GNAQ: variants seen among roughly 807,000 people sequenced by gnomAD.
GNAQ encodes guanine nucleotide-binding protein G(q) subunit alpha.
A neutral mutation model predicts 43.9 loss-of-function variants in GNAQ; 8 were observed. The observed-to-expected ratio is 0.18, with a 90% CI of 0.11 to 0.33. The LOEUF (loss-of-function observed/expected upper bound fraction) is 0.33. Among genes scored for constraint, GNAQ ranks in the 10% least tolerant of loss-of-function variants. The pLI, the probability that GNAQ is intolerant of heterozygous loss-of-function variation, is 1.00. For synonymous variants in GNAQ, 155 were observed against 170.7 expected (o/e 0.91, Z 0.71); for missense variants, 158 against 450.8 (o/e 0.35, Z 5.88).
At chr9:77,939,658 C>T (rs916297179) in intron 1 of GNAQ, among the ~76,000 whole-genome samples, 2 of 152,128 alleles carry the variant, frequency 1.3e-5, no homozygotes, top group South Asian at 2.1e-4. Context: ...AACAGATAAT[C>T]AACTGGGTGA....
At chr9:77,847,320 C>T (rs186071102) in intron 2 of GNAQ, among the ~76,000 whole-genome samples, 8 of 152,306 alleles carry the variant, frequency 5.3e-5, no homozygotes, top group Non-Finnish European at 8.8e-5. Context: ...CAGAGACAAA[C>T]CCACAGTAAT....
chr9:77,874,340 G>C (rs1828095990), intron 2 of GNAQ, among the ~76,000 whole-genome samples: 1 of 152,022 alleles, frequency 6.6e-6, no homozygotes, highest in Admixed American at 6.6e-5. Context: ...TTCTGGCCTA[G>C]ACATGAACTC....
Position 77,716,999 on chromosome 9 carries a change from A to C in GNAQ, c.*4324T>G, listed in dbSNP as rs888824452. On this transcript the variant is annotated 3_prime_UTR_variant, in exon 7 of 7. Coordinates refer to ENST00000286548, the MANE Select transcript of GNAQ (RefSeq NM_002072.5). ...GTTTAGGGTCTGTACTAAGTTATCT[A>C]CTAAACAGCAGGTGTCTGGCTCCAA... 9.9e-5 allele frequency: 23 copies of C among 232,822 alleles called. No individual in the cohort carries two copies. Among genetic ancestry groups the C allele is most frequent in the African/African-American group, 5.1e-4 (23 of 45,462 alleles). The allele number at this position is 232,822 out of a possible 1,614,324, so 14.4% of individuals were successfully genotyped here.
chr9:77,828,095 A>AAGGGGC (rs1216909711), intron 2 of GNAQ, among the ~76,000 whole-genome samples: 1 of 139,860 alleles, frequency 7.2e-6, no homozygotes, highest in Non-Finnish European at 1.6e-5. Flanking sequence ...AAAAAAAAAG[A>AAGGGGC]AGGGGCAGTG....
At chr9:77,920,592 G>A (rs1828981894) in intron 2 of GNAQ, among the ~76,000 whole-genome samples, 1 of 152,150 alleles carries the variant, frequency 6.6e-6, no homozygotes, top group Admixed American at 6.5e-5. Context: ...TCTTGGGGCA[G>A]GGAGAACCCT....
In GNAQ at chr9:77,904,840, C is replaced by T. The variant is rs182958058; in HGVS notation, c.321+17321G>A. Among the ~76,000 whole-genome samples the T allele has an allele frequency of 2.4e-4, 36 of 152,134 alleles. No homozygotes were observed. The East Asian group carries it at 4.8e-3, about 20-fold the overall frequency. ...AAATTGGTCAGAACAATGCTTACAA[C>T]AGCTAGATTCTATATGGGATCATTT... On this transcript the variant is annotated intron_variant, in intron 2 of 6. Coordinates refer to ENST00000286548, the MANE Select transcript of GNAQ (RefSeq NM_002072.5).
chr9:77,801,879 C>T lies in GNAQ; in HGVS notation c.477-4231G>A, dbSNP rs536527669. 9.2e-5 allele frequency among the ~76,000 whole-genome samples: 14 copies of T among 152,142 alleles called. No individual in the cohort carries two copies. In the South Asian group the frequency reaches 1.9e-3, roughly 20 times the overall value. ...TGAAGCAGGTAAAATTTATAGACCACGAACGACATTTTTGGCTGGGCGCAG... is the reference window on the plus strand; with the variant it reads ...TGAAGCAGGTAAAATTTATAGACCATGAACGACATTTTTGGCTGGGCGCAG... On this transcript the variant is annotated intron_variant, in intron 3 of 6. Coordinates refer to ENST00000286548, the MANE Select transcript of GNAQ (RefSeq NM_002072.5).
At chr9:77,963,992 T>C (rs2118430484) in intron 1 of GNAQ, among the ~76,000 whole-genome samples, 1 of 152,296 alleles carries the variant, frequency 6.6e-6, no homozygotes, top group South Asian at 2.1e-4. Flanking sequence ...CTCAATTCTT[T>C]AGGAATGGAC....
At chr9:77,991,603 G>C (rs991431596) in intron 1 of GNAQ, among the ~76,000 whole-genome samples, 4 of 152,066 alleles carry the variant, frequency 2.6e-5, no homozygotes, top group East Asian at 1.9e-4. Context: ...TGGGGGTACA[G>C]ATGGTTTTTG....
chr9:77,798,722 G>C (rs1193324557), intron 3 of GNAQ, among the ~76,000 whole-genome samples: 1 of 152,186 alleles, frequency 6.6e-6, no homozygotes, highest in Non-Finnish European at 1.5e-5. Context: ...TAAATGCTAT[G>C]TGAATAGCTG....
intron 1 of GNAQ, among the ~76,000 whole-genome samples, chr9:77,960,347 T>C (rs1451887168): frequency 2.3e-5 from 3 of 130,324 alleles, no homozygotes; most frequent in Admixed American, 7.2e-5. Flanking sequence ...TCCTTTACTG[T>C]AGTTTTTTCA....
intron 5 of GNAQ, among the ~76,000 whole-genome samples, chr9:77,780,641 T>TGGACTATA (rs1826381037): frequency 2.0e-5 from 3 of 152,156 alleles, no homozygotes; most frequent in Admixed American, 6.5e-5. Flanking sequence ...GTGAGACTAC[T>TGGACTATA]GGACTATATT....
intron 1 of GNAQ, among the ~76,000 whole-genome samples, chr9:78,001,124 C>T (rs571729231): frequency 2.6e-5 from 4 of 152,242 alleles, no homozygotes; most frequent in Middle Eastern, 3.4e-3. Flanking sequence ...AGGCCAGGTA[C>T]GGTGGCTCAT....
chr9:77,963,898 T>C lies in GNAQ; in HGVS notation c.137-41553A>G, dbSNP rs185965874. 4.0e-5 allele frequency among the ~76,000 whole-genome samples: 6 copies of C among 151,540 alleles called. No homozygotes were observed. The East Asian group carries it at 1.2e-3, about 29-fold the overall frequency. On this transcript the variant is annotated intron_variant, in intron 1 of 6. Coordinates refer to ENST00000286548, the MANE Select transcript of GNAQ (RefSeq NM_002072.5). ...CTGACTTATTTTTGTTTTCTAATCTTAAAAAAAAATTTAAAAGGCACCCAT... is the reference window on the plus strand; with the variant it reads ...CTGACTTATTTTTGTTTTCTAATCTCAAAAAAAAATTTAAAAGGCACCCAT...
At chr9:77,734,998 C>T (rs1825555695) in intron 5 of GNAQ, among the ~76,000 whole-genome samples, 1 of 152,164 alleles carries the variant, frequency 6.6e-6, no homozygotes, top group Non-Finnish European at 1.5e-5. Context: ...CCAAGTAGCT[C>T]ACAGGGCCTC....
At chr9:77,953,650 C>G (rs1159154716) in intron 1 of GNAQ, among the ~76,000 whole-genome samples, 2 of 152,210 alleles carry the variant, frequency 1.3e-5, no homozygotes, top group Non-Finnish European at 2.9e-5. Context: ...GGCAGGCCTT[C>G]TTTCTTAACA....
chr9:77,726,632 A>G (rs140277002), intron 6 of GNAQ, among the ~76,000 whole-genome samples: 4 of 152,338 alleles, frequency 2.6e-5, no homozygotes, highest in African/African-American at 9.6e-5. Flanking sequence ...AATGATATCC[A>G]TCCTGGATAT....
intron 3 of GNAQ, among the ~76,000 whole-genome samples, chr9:77,812,049 G>T (rs1244074671): frequency 6.6e-6 from 1 of 152,184 alleles, no homozygotes; most frequent in Non-Finnish European, 1.5e-5. Flanking sequence ...TATTAATACA[G>T]CCTCCTCTTT....
chr9:77,876,654 A>C (rs1233600127), intron 2 of GNAQ, among the ~76,000 whole-genome samples: 1 of 152,198 alleles, frequency 6.6e-6, no homozygotes, highest in Non-Finnish European at 1.5e-5. Flanking sequence ...TATGCTAAGC[A>C]CTGGACATTA....
Sources: allele counts gnomAD v4.1 joint callset (sites outside exome capture counted in the v4.1 genomes callset), GRCh38; gene constraint gnomAD v4.1.1; transcripts MANE v1.5; gene names NCBI Gene and HGNC (gene_info 2026-07-23, HGNC 2026-07-21).